CFAP54: variants seen among roughly 807,000 people sequenced by gnomAD.
The protein encoded by CFAP54 is cilia- and flagella-associated protein 54.
A neutral mutation model predicts 370.4 loss-of-function variants in CFAP54; 290 were observed. The observed-to-expected ratio is 0.78, with a 90% CI of 0.71 to 0.86. The LOEUF (loss-of-function observed/expected upper bound fraction) is 0.86. Ranked by LOEUF, CFAP54 falls within the 40% of genes least tolerant of loss-of-function variation. The pLI is 0.00. For synonymous variants in CFAP54, 1,206 were observed against 1,236.5 expected, an observed-to-expected ratio of 0.98 and a Z score of 0.52; for missense variants, 3,399 against 3,528.7, an observed-to-expected ratio of 0.96 and a Z score of 0.93.
intron 17 of CFAP54, among the ~76,000 whole-genome samples, chr12:96,562,960 A>C (rs1279309708): frequency 3.9e-5 from 6 of 152,212 alleles, no homozygotes; most frequent in African/African-American, 1.4e-4. Flanking sequence ...TACTTAGCAT[A>C]ATAATCTTGA....
At chr12:96,593,356 C>T (rs147598395) in intron 24 of CFAP54, among the ~76,000 whole-genome samples, 122 of 151,826 alleles carry the variant, frequency 8.0e-4, no homozygotes, top group African/African-American at 2.8e-3. Flanking sequence ...TTTACAGTTG[C>T]TATTTCCTAC....
intron 66 of CFAP54, among the ~76,000 whole-genome samples, chr12:96,841,167 C>T (rs1016796222): frequency 2.0e-5 from 3 of 152,180 alleles, no homozygotes; most frequent in Non-Finnish European, 4.4e-5. Flanking sequence ...GAACCTGATA[C>T]TGTGTATTTA....
chr12:96,489,608 A>G lies in CFAP54; in HGVS notation c.-2A>G, dbSNP rs900790924. 39 of 1,514,354 alleles carry G rather than the reference A, an allele frequency of 2.6e-5. No homozygotes were observed. The highest frequency in any genetic ancestry group is 3.3e-5 in the Non-Finnish European group (37 of 1,131,680). 93.8% of individuals were successfully genotyped at this position (1,514,354 alleles called of 1,614,324 possible). On this transcript the variant is annotated 5_prime_UTR_variant, in exon 1 of 68. Coordinates refer to ENST00000524981, the MANE Select transcript of CFAP54 (RefSeq NM_001306084.2). Reference sequence around the variant, plus strand: ...ACTCCAGGCGGGCCGGGGCGCGTCAATATGGCGGCGCAGGGCTCCCCCTCG... The same window carrying G: ...ACTCCAGGCGGGCCGGGGCGCGTCAGTATGGCGGCGCAGGGCTCCCCCTCG...
At chr12:96,598,157 A>G (rs1354133297) in intron 25 of CFAP54, among the ~76,000 whole-genome samples, 2 of 152,022 alleles carry the variant, frequency 1.3e-5, no homozygotes, top group Non-Finnish European at 2.9e-5. Context: ...CGAAGCAAGG[A>G]GAATAGGAAG....
intron 26 of CFAP54, among the ~76,000 whole-genome samples, chr12:96,617,255 C>T (rs536150556): frequency 1.0e-3 from 154 of 152,154 alleles, no homozygotes; most frequent in Admixed American, 3.7e-3. Context: ...TATAACAGGA[C>T]CTATCAGCCT....
chr12:96,672,261 G>A (rs1197045099), intron 39 of CFAP54, among the ~76,000 whole-genome samples: 1 of 152,122 alleles, frequency 6.6e-6, no homozygotes, highest in Non-Finnish European at 1.5e-5. Flanking sequence ...GGGATACAGG[G>A]GGATTATGCT....
intron 25 of CFAP54, among the ~76,000 whole-genome samples, chr12:96,594,999 G>C (rs1306477547): frequency 1.3e-5 from 2 of 152,130 alleles, no homozygotes; most frequent in African/African-American, 2.4e-5. Flanking sequence ...GGTTGAATAT[G>C]GGTTAGCTGG....
intron 12 of CFAP54, among the ~76,000 whole-genome samples, chr12:96,536,620 CTTTTTCTTTT>C (rs1439793384): frequency 9.0e-5 from 10 of 111,498 alleles, no homozygotes; most frequent in South Asian, 5.9e-4. Context: ...TTGTCTTTTT[CTTTTTCTTTT>C]TTTTTTTTTT....
chr12:96,675,187 A>T (rs1957192104), intron 39 of CFAP54, among the ~76,000 whole-genome samples: 2 of 152,200 alleles, frequency 1.3e-5, no homozygotes, highest in South Asian at 4.1e-4. Flanking sequence ...CAATCTACTC[A>T]TCTGACAAAG....
chr12:96,552,002 T>A (rs917588707), intron 15 of CFAP54, among the ~76,000 whole-genome samples: 4 of 152,062 alleles, frequency 2.6e-5, no homozygotes, highest in African/African-American at 9.7e-5. Context: ...ATCCCAGCAC[T>A]TTTGGAGGCC....
In CFAP54 at chr12:96,499,753, C is replaced by G. The variant is rs541991821; in HGVS notation, c.318-1081C>G. Among the ~76,000 whole-genome samples the G allele has an allele frequency of 4.6e-5, 7 of 150,854 alleles. No homozygotes were observed. The South Asian group carries it at 1.2e-3, about 27-fold the overall frequency. ...CTGAGGTCAGGAGTTTGAGACCAGC[C>G]TGGCCCACATGGTGAAACCCTGTCT... On this transcript the variant is annotated intron_variant, in intron 1 of 67. Transcript: ENST00000524981.
intron 67 of CFAP54, among the ~76,000 whole-genome samples, chr12:96,874,661 G>A (rs1435162737): frequency 2.9e-5 from 3 of 103,844 alleles, no homozygotes; most frequent in African/African-American, 1.2e-4. Context: ...ACGGAGTCTC[G>A]CTCTGTCGCC....
intron 34 of CFAP54, among the ~76,000 whole-genome samples, chr12:96,649,661 G>C (rs546086010): frequency 1.3e-5 from 2 of 152,084 alleles, no homozygotes; most frequent in Admixed American, 6.6e-5. Context: ...CTGAAATGAC[G>C]TTCTCTGTAT....
intron 58 of CFAP54, among the ~76,000 whole-genome samples, chr12:96,759,718 A>G (rs1158613122): frequency 6.6e-6 from 1 of 152,218 alleles, no homozygotes; most frequent in Non-Finnish European, 1.5e-5. Flanking sequence ...TCCTAGCTTC[A>G]CAACTTACTA....
intron 33 of CFAP54, 42 bp downstream of exon 33, chr12:96,644,450 G>T: frequency 7.5e-7 from 1 of 1,335,248 alleles, no homozygotes; most frequent in South Asian, 1.3e-5. Flanking sequence ...TTAGTTTCAT[G>T]AACATGGATT....
chr12:96,536,028 A>G (rs75367963), intron 12 of CFAP54, among the ~76,000 whole-genome samples: 1 of 152,342 alleles, frequency 6.6e-6, no homozygotes, highest in African/African-American at 2.4e-5. Context: ...TTATTAAACA[A>G]ATTTCAGGGA....
intron 3 of CFAP54, 141 bp downstream of exon 3, chr12:96,504,170 G>A (rs963301909): frequency 3.8e-5 from 28 of 738,172 alleles, no homozygotes; most frequent in Non-Finnish European, 5.5e-5. Context: ...AATACTTTCA[G>A]TGCTGGATAA....
chr12:96,678,503 C>T (rs910513522), intron 39 of CFAP54, among the ~76,000 whole-genome samples: 2 of 152,134 alleles, frequency 1.3e-5, no homozygotes, highest in South Asian at 2.1e-4. Context: ...CCACCTGCCA[C>T]GGCCTCCCAA....
chr12:96,564,433 T>C, intron 17 of CFAP54, 35 bp from the exon 18 acceptor site: 1 of 681,064 alleles, frequency 1.5e-6, no homozygotes, highest in Non-Finnish European at 2.7e-6. Flanking sequence ...CTTGGATACA[T>C]ACTTAATTGT....
Sources: allele counts gnomAD v4.1 joint callset (sites outside exome capture counted in the v4.1 genomes callset), GRCh38; gene constraint gnomAD v4.1.1; transcripts MANE v1.5; gene names NCBI Gene and HGNC (gene_info 2026-07-23, HGNC 2026-07-21).